CLMN: variants seen among roughly 807,000 people sequenced by gnomAD.
CLMN encodes the protein calmin (calponin-like, transmembrane).
A neutral mutation model predicts 92.7 loss-of-function variants in CLMN; 57 were observed. The ratio of observed to expected loss-of-function variants is 0.61; its 90% CI spans 0.50 to 0.77. CLMN has a LOEUF of 0.77. CLMN is among the 30% of genes least tolerant of loss of function. The probability of loss-of-function intolerance (pLI) is 0.00; values close to 1 mark genes in which losing one functional copy is unlikely to be tolerated. For missense variants in CLMN, 1,158 were observed against 1,237.5 expected (o/e 0.94, Z 0.96); for synonymous variants, 466 against 470.6 (o/e 0.99, Z 0.13).
At chr14:95,299,327 C>T (rs1200075707) in intron 1 of CLMN, among the ~76,000 whole-genome samples, 1 of 152,178 alleles carries the variant, frequency 6.6e-6, no homozygotes, top group East Asian at 1.9e-4. Context: ...TGCCCAGGCC[C>T]CACTGGGTCC....
At position 95,209,455 on chromosome 14, in the gene CLMN, G is replaced by A. The variant is rs370234798; in HGVS notation, c.825C>T (p.Asp275=). ...EPEDIMVDTP[D]EQSIMTYVAQ... ...CCACGTAAGTCATGATAGACTGCTC[G>A]TCTGGTGTGTCAACCATGATGTCTG... The change falls in exon 8 of 13, where the codon GAC becomes GAT. Residue 275 remains aspartate, a synonymous_variant. Coordinates refer to ENST00000298912, the MANE Select transcript of CLMN (RefSeq NM_024734.4). The A allele has an allele frequency of 8.7e-5, 141 of 1,614,110 alleles. No individual in the cohort carries two copies. The highest frequency in any genetic ancestry group is 1.6e-4 in the Middle Eastern group (1 of 6,062).
chr14:95,293,242 T>C (rs1424380311), intron 1 of CLMN, among the ~76,000 whole-genome samples: 1 of 63,976 alleles, frequency 1.6e-5, no homozygotes, highest in East Asian at 8.1e-4. Context: ...CCCTCCCTCC[T>C]TCCTTCCCTC....
chr14:95,230,383 C>T (rs1239211549), intron 1 of CLMN, among the ~76,000 whole-genome samples: 1 of 152,206 alleles, frequency 6.6e-6, no homozygotes, highest in Non-Finnish European at 1.5e-5. Context: ...ATGTTCTCTA[C>T]AACCCAATTC....
chr14:95,308,915 G>A (rs1257229086), intron 1 of CLMN, among the ~76,000 whole-genome samples: 1 of 152,044 alleles, frequency 6.6e-6, no homozygotes, highest in East Asian at 1.9e-4. Context: ...TTTCATCCTT[G>A]TTTTATAAAA....
intron 5 of CLMN, among the ~76,000 whole-genome samples, chr14:95,214,169 G>A (rs571536657): frequency 6.6e-6 from 1 of 151,902 alleles, no homozygotes; most frequent in Non-Finnish European, 1.5e-5. Flanking sequence ...TCAGCACCTG[G>A]CATCTTGGAG....
chr14:95,200,611 CT>C (rs1595559155), intron 9 of CLMN, among the ~76,000 whole-genome samples: 1 of 152,174 alleles, frequency 6.6e-6, no homozygotes, highest in East Asian at 1.9e-4. Flanking sequence ...CAGGAGGAGC[CT>C]CCCCATCAGG....
intron 1 of CLMN, among the ~76,000 whole-genome samples, chr14:95,312,762 G>A (rs572589089): frequency 1.2e-4 from 19 of 152,180 alleles, no homozygotes; most frequent in African/African-American, 3.9e-4. Flanking sequence ...TGGGAGGCAC[G>A]TGGCAGGGGT....
rs1171040268 is a variant in CLMN, at chr14:95,204,247, A to C, written c.1102T>G (p.Ser368Ala). ...GAGCTGTCTGACAGCGCATGGCTGGAAACACCATCCAGGCGGAATTCCTTC... is the reference window on the plus strand; with the variant it reads ...GAGCTGTCTGACAGCGCATGGCTGGCAACACCATCCAGGCGGAATTCCTTC... Reference protein sequence around the residue: ...SMKEFRLDGVSSHALSDSSTE... With the variant: ...SMKEFRLDGVASHALSDSSTE... The change falls in exon 9 of 13, where the codon TCC (serine) becomes GCC (alanine). Residue 368 changes from serine to alanine, a missense_variant. Transcript: ENST00000298912. 2.5e-6 allele frequency: 4 copies of C among 1,614,130 alleles called. No individual in the cohort carries two copies. The highest frequency in any genetic ancestry group is 1.7e-5 in the Admixed American group (1 of 60,014).
At chr14:95,299,657 C>A (rs1288732513) in intron 1 of CLMN, among the ~76,000 whole-genome samples, 1 of 152,150 alleles carries the variant, frequency 6.6e-6, no homozygotes, top group African/African-American at 2.4e-5. Flanking sequence ...AGAGGCAGAG[C>A]CAAGATTCGA....
chr14:95,223,128 T>C (rs1897601446), intron 3 of CLMN, among the ~76,000 whole-genome samples: 1 of 152,256 alleles, frequency 6.6e-6, no homozygotes, highest in South Asian at 2.1e-4. Flanking sequence ...CTGGAGGTGA[T>C]ACTGTTGTTT....
rs747629836 is a variant in CLMN at position 95,203,311 on chromosome 14, G to C, written c.2038C>G (p.Gln680Glu). 1 of 1,614,122 alleles carries C rather than the reference G, an allele frequency of 6.2e-7. No individual in the cohort carries two copies. Among genetic ancestry groups the C allele is most frequent in the Non-Finnish European group, 8.5e-7 (1 of 1,180,028 alleles). The stretch of plus-strand genomic sequence containing the variant: ...GAAGATAATTCCTCGCCCACACCCT[G>C]GAGGTCATCGTCTTCTCCCTCTTCC... ...YEEEGEDDDL[Q>E]GVGEELSSSP... Residue 680 changes from glutamine (Q) to glutamate (E), a missense_variant, in exon 9 of 13, where the codon CAG (glutamine) becomes GAG (glutamate). Transcript: ENST00000298912.
chr14:95,261,133 C>T (rs915129828), intron 1 of CLMN, among the ~76,000 whole-genome samples: 7 of 150,608 alleles, frequency 4.6e-5, no homozygotes, highest in East Asian at 2.0e-4. Context: ...TCTGCACTTC[C>T]GGACTCTGAC....
intron 1 of CLMN, among the ~76,000 whole-genome samples, chr14:95,288,703 C>T (rs1347824798): frequency 6.6e-6 from 1 of 152,184 alleles, no homozygotes; most frequent in African/African-American, 2.4e-5. Context: ...CACAATTCCA[C>T]CCCTGTGTAT....
intron 1 of CLMN, among the ~76,000 whole-genome samples, chr14:95,277,907 G>A (rs956061854): frequency 5.3e-5 from 8 of 152,350 alleles, no homozygotes; most frequent in South Asian, 2.1e-4. Context: ...GATTACAGGC[G>A]TGAGCCACTG....
chr14:95,203,626 A>T lies in CLMN; in HGVS notation c.1723T>A (p.Ser575Thr), dbSNP rs1896955175. The change falls in exon 9 of 13, where the codon TCT becomes ACT. Residue 575 changes from serine (S) to threonine (T), a missense_variant. Ser to Thr is a moderately conservative substitution (Grantham distance 58). Transcript: ENST00000298912. The part of the protein sequence containing the change: ...KFNSDLIDFA[S>T]TSQAFNKVPS... ...ACTTTGTTGAAAGCCTGGCTGGTAG[A>T]AGCAAAATCTATTAGGTCGCTGTTA... The T allele has an allele frequency of 1.1e-5, 18 of 1,614,174 alleles. No individual in the cohort carries two copies. The highest frequency in any genetic ancestry group is 1.5e-5 in the Non-Finnish European group (18 of 1,180,022).
At chr14:95,250,027 C>T (rs181416420) in intron 1 of CLMN, among the ~76,000 whole-genome samples, 253 of 141,236 alleles carry the variant, frequency 1.8e-3, no homozygotes, top group Non-Finnish European at 3.0e-3. Context: ...CCCCCGTTCC[C>T]ATTCCTTTAA....
At chr14:95,318,105 G>A (rs1194297304) in intron 1 of CLMN, among the ~76,000 whole-genome samples, 8 of 152,100 alleles carry the variant, frequency 5.3e-5, no homozygotes, top group Admixed American at 5.2e-4. Context: ...CTCTAAACCA[G>A]GAGCTAATCC....
At chr14:95,214,689 C>T (rs1380281480) in intron 5 of CLMN, among the ~76,000 whole-genome samples, 1 of 152,044 alleles carries the variant, frequency 6.6e-6, no homozygotes, top group Admixed American at 6.6e-5. Context: ...CTATTATGAC[C>T]ACTGCTCCCA....
At chr14:95,201,124 G>A (rs1174262736) in intron 9 of CLMN, among the ~76,000 whole-genome samples, 2 of 151,532 alleles carry the variant, frequency 1.3e-5, no homozygotes, top group Admixed American at 6.6e-5. Flanking sequence ...AAACCTGCAC[G>A]TTCTGCACAT....
Sources: allele counts gnomAD v4.1 joint callset (sites outside exome capture counted in the v4.1 genomes callset), GRCh38; gene constraint gnomAD v4.1.1; transcripts MANE v1.5; gene names NCBI Gene and HGNC (gene_info 2026-07-23, HGNC 2026-07-21).